ADD2: variants seen among roughly 807,000 people sequenced by gnomAD.
ADD2 encodes adducin 2, also known as beta-adducin.
ADD2 carries 23 observed loss-of-function variants against 83.0 expected under a neutral mutation model. That is an observed-to-expected ratio of 0.28 (90% CI 0.20 to 0.39). The LOEUF (loss-of-function observed/expected upper bound fraction) is 0.39. Among genes scored for constraint, ADD2 ranks in the 10% least tolerant of loss-of-function variants. The probability of loss-of-function intolerance (pLI) is 1.00; values close to 1 mark genes in which losing one functional copy is unlikely to be tolerated. For synonymous variants in ADD2, 375 were observed against 375.4 expected, an observed-to-expected ratio of 1.00 and a Z score of 0.01; for missense variants, 758 against 944.9, an observed-to-expected ratio of 0.80 and a Z score of 2.59.
chr2:70,677,715 C>A, intron 12 of ADD2, 43 bp downstream of exon 12: 1 of 1,602,950 alleles, frequency 6.2e-7, no homozygotes, highest in Non-Finnish European at 8.5e-7. Context: ...TGAGACCCCC[C>A]AGTGTGGGAG....
At chr2:70,674,165 G>C (rs996084712) in intron 14 of ADD2, among the ~76,000 whole-genome samples, 2 of 152,104 alleles carry the variant, frequency 1.3e-5, no homozygotes, top group Non-Finnish European at 2.9e-5. Flanking sequence ...AGCCAAGAAG[G>C]GGAACCATGC....
At chr2:70,724,554 G>A (rs1672885935) in intron 1 of ADD2, among the ~76,000 whole-genome samples, 1 of 152,132 alleles carries the variant, frequency 6.6e-6, no homozygotes, top group African/African-American at 2.4e-5. Flanking sequence ...TGGCTCCCTG[G>A]GCTGCTCCCC....
chr2:70,672,189 TA>T (rs1460631133), intron 15 of ADD2, among the ~76,000 whole-genome samples: 1 of 152,220 alleles, frequency 6.6e-6, no homozygotes, highest in Non-Finnish European at 1.5e-5. Flanking sequence ...GCTGATTTGC[TA>T]AAATTAGCTG....
Position 70,663,717 on chromosome 2 carries a change from T to A in ADD2, c.1889A>T (p.Glu630Val). ...KSLEEGTKKT[E>V]TSKAATTEPE... ...CTCTGTGGTGGCGGCTTTGCTTGTT[T>A]CTGTCTTCTTAGTACCTTCTAGAAA... The change falls in exon 16 of 16, where the codon GAA (glutamate) becomes GTA (valine). Residue 630 changes from glutamate (E) to valine (V), a missense_variant. By Grantham distance (121) the Glu-to-Val change is moderately radical. Around this residue, in one of 5 missense-constraint regions of ADD2, gnomAD observed 165 missense variants for 176.2 expected, o/e 0.94. Transcript: ENST00000264436. The A allele has an allele frequency of 1.2e-6, 2 of 1,613,946 alleles. No homozygotes were observed. The highest frequency in any genetic ancestry group is 1.7e-6 in the Non-Finnish European group (2 of 1,179,994).
chr2:70,761,591 G>GAAA (rs78804683), intron 1 of ADD2, among the ~76,000 whole-genome samples: 1 of 39,856 alleles, frequency 2.5e-5, no homozygotes, highest in Admixed American at 2.6e-4. Flanking sequence ...CTGGGTGACA[G>GAAA]AAAAAAAAAA....
At chr2:70,698,320 G>A (rs782266184) in intron 4 of ADD2, among the ~76,000 whole-genome samples, 2 of 152,140 alleles carry the variant, frequency 1.3e-5, no homozygotes, top group South Asian at 2.1e-4. Flanking sequence ...CCCCAACCCC[G>A]TGGAGGTTCA....
chr2:70,663,358 G>T lies in ADD2; in HGVS notation c.*67C>A. On this transcript the variant is annotated 3_prime_UTR_variant, in exon 16 of 16. Coordinates refer to ENST00000264436, the MANE Select transcript of ADD2 (RefSeq NM_001617.4). ...CCCTCCTTAGCCCTGTGCTTGCAGG[G>T]ACAGAGATGGGAGAAGGGAAGGGGA... 6.6e-7 allele frequency: 1 copy of T among 1,506,764 alleles called. No individual in the cohort carries two copies. The highest frequency in any genetic ancestry group is 9.1e-7 in the Non-Finnish European group (1 of 1,104,662). 93.3% of individuals were successfully genotyped at this position (1,506,764 alleles called of 1,614,324 possible). A position where few individuals can be genotyped will look rare whatever the true frequency, so the allele number is the denominator to read the frequency against.
At chr2:70,744,109 A>G (rs1167952078) in intron 1 of ADD2, among the ~76,000 whole-genome samples, 1 of 152,248 alleles carries the variant, frequency 6.6e-6, no homozygotes, top group Non-Finnish European at 1.5e-5. Flanking sequence ...GAACTATGAC[A>G]AGAATTAAAA....
chr2:70,751,273 G>C (rs1553382898), intron 1 of ADD2, among the ~76,000 whole-genome samples: 1 of 152,174 alleles, frequency 6.6e-6, no homozygotes, highest in African/African-American at 2.4e-5. Context: ...GAAACCTAAA[G>C]ATGGGCAGGG....
At chr2:70,701,745 C>G (rs1671595253) in intron 4 of ADD2, among the ~76,000 whole-genome samples, 1 of 151,756 alleles carries the variant, frequency 6.6e-6, no homozygotes, top group African/African-American at 2.4e-5. Flanking sequence ...GAACTATAAC[C>G]AGAAAGAAAA....
intron 1 of ADD2, among the ~76,000 whole-genome samples, chr2:70,765,400 T>C (rs563143670): frequency 6.7e-6 from 1 of 148,998 alleles, no homozygotes; most frequent in Admixed American, 6.6e-5. Context: ...TGTGTTTTTA[T>C]GTTCTGGCCA....
At chr2:70,750,715 G>A (rs981519401) in intron 1 of ADD2, among the ~76,000 whole-genome samples, 1 of 152,186 alleles carries the variant, frequency 6.6e-6, no homozygotes, top group Non-Finnish European at 1.5e-5. Context: ...AGAATTGAGA[G>A]AGAATACATT....
intron 2 of ADD2, among the ~76,000 whole-genome samples, chr2:70,712,651 A>G (rs1241019479): frequency 6.6e-6 from 1 of 152,104 alleles, no homozygotes; most frequent in Non-Finnish European, 1.5e-5. Flanking sequence ...CTGGTTCTCT[A>G]GAACCTCAGA....
In ADD2 at chr2:70,676,549, C is replaced by T; in HGVS notation, c.1593+247G>A. On this transcript the variant is annotated intron_variant, in intron 13 of 15. Coordinates refer to ENST00000264436, the MANE Select transcript of ADD2 (RefSeq NM_001617.4). This position sits in a 1 kb window ranked among gnomAD's most constrained non-coding sequence, Gnocchi z 4.8. ...GGAGGTACGGAAGCCGGCCGCATCA[C>T]TCCTGCAGGCAGGCTGGGCTGCTGT... 7.1e-7 allele frequency: 1 copy of T among 1,411,674 alleles called. No homozygotes were observed. Among genetic ancestry groups the T allele is most frequent in the Non-Finnish European group, 9.3e-7 (1 of 1,078,050 alleles). 87.4% of individuals were successfully genotyped at this position (1,411,674 alleles called of 1,614,324 possible). A position where few individuals can be genotyped will look rare whatever the true frequency, so the allele number is the denominator to read the frequency against.
At chr2:70,712,443 C>CAAAAAAAAAAAA (rs11422928) in intron 2 of ADD2, among the ~76,000 whole-genome samples, 1 of 123,228 alleles carries the variant, frequency 8.1e-6, no homozygotes, top group East Asian at 2.4e-4. Context: ...GACCCTGTCT[C>CAAAAAAAAAAAA]AAAAAAAATA....
At chr2:70,711,009 A>G (rs1163235101) in intron 2 of ADD2, 5 of 152,202 alleles carry the variant, frequency 3.3e-5, no homozygotes, top group African/African-American at 1.2e-4. Flanking sequence ...TAGTCTAAAA[A>G]ACTAATTCAA....
intron 1 of ADD2, among the ~76,000 whole-genome samples, chr2:70,729,759 C>G (rs782705973): frequency 6.6e-5 from 10 of 152,152 alleles, no homozygotes; most frequent in Non-Finnish European, 1.3e-4. Flanking sequence ...CTAAATACCC[C>G]CTTGGACCAT....
chr2:70,750,555 G>A (rs1247283043), intron 1 of ADD2, among the ~76,000 whole-genome samples: 1 of 152,192 alleles, frequency 6.6e-6, no homozygotes, highest in Non-Finnish European at 1.5e-5. Context: ...GATGACAGAG[G>A]TAGAGACTGG....
chr2:70,706,226 G>C lies in ADD2; in HGVS notation c.183C>G (p.Pro61=). 1 of 1,613,574 alleles carries C rather than the reference G, an allele frequency of 6.2e-7. No individual in the cohort carries two copies. Among genetic ancestry groups the C allele is most frequent in the South Asian group, 1.1e-5 (1 of 90,994 alleles). ...KKRVTMILQS[P]SFREELEGLI... ...TCCCGCCCGGGTCAGCCCCACTCAC[G>C]GGACTCTGCAGGATCATGGTGACGC... Residue 61 remains proline, a splice_region_variant and synonymous_variant, in exon 3 of 16, where the codon CCC becomes CCG. Transcript: ENST00000264436. This position sits in a 1 kb window ranked among gnomAD's most constrained non-coding sequence, Gnocchi z 5.0.
Sources: allele counts gnomAD v4.1 joint callset (sites outside exome capture counted in the v4.1 genomes callset), GRCh38; gene constraint gnomAD v4.1.1; regional missense constraint gnomAD v4.1.1; non-coding constraint Gnocchi (gnomAD v3.1); transcripts MANE v1.5; gene names NCBI Gene and HGNC (gene_info 2026-07-23, HGNC 2026-07-21).